The following TAFA1 variants were observed in gnomAD, a reference collection of about 807,000 sequenced individuals.
The protein encoded by TAFA1 is chemokine-like protein TAFA-1.
TAFA1 carries 4 observed loss-of-function variants against 18.5 expected under a neutral mutation model. That is an observed-to-expected ratio of 0.22 (90% CI 0.11 to 0.49). The LOEUF is 0.49. Ranked by LOEUF, TAFA1 falls within the 20% of genes least tolerant of loss-of-function variation. The probability of loss-of-function intolerance (pLI) is 0.98; values close to 1 mark genes in which losing one functional copy is unlikely to be tolerated. For missense variants in TAFA1, 147 were observed against 169.0 expected, an observed-to-expected ratio of 0.87 and a Z score of 0.72; for synonymous variants, 56 against 55.2, an observed-to-expected ratio of 1.01 and a Z score of -0.06.
At chr3:68,015,880 A>G (rs1704560199) in intron 2 of TAFA1, among the ~76,000 whole-genome samples, 1 of 152,200 alleles carries the variant, frequency 6.6e-6, no homozygotes, top group Non-Finnish European at 1.5e-5. Flanking sequence ...CATGTTAACT[A>G]GTGTTTACTG....
chr3:68,447,911 T>A (rs1273010179), intron 3 of TAFA1, among the ~76,000 whole-genome samples: 1 of 152,180 alleles, frequency 6.6e-6, no homozygotes, highest in Non-Finnish European at 1.5e-5. Flanking sequence ...AAACACTTTA[T>A]TAAGTTGGTT....
At chr3:68,490,186 A>G (rs1403817616) in intron 3 of TAFA1, among the ~76,000 whole-genome samples, 1 of 152,176 alleles carries the variant, frequency 6.6e-6, no homozygotes, top group Non-Finnish European at 1.5e-5. Flanking sequence ...CTTTTATTAG[A>G]CAGTGAAATA....
intron 2 of TAFA1, among the ~76,000 whole-genome samples, chr3:68,355,193 T>C (rs1027498627): frequency 1.3e-5 from 2 of 151,960 alleles, no homozygotes; most frequent in African/African-American, 4.8e-5. Flanking sequence ...CAACCCTCTC[T>C]TACTGAGGGT....
chr3:68,156,056 C>G (rs189296541), intron 2 of TAFA1, among the ~76,000 whole-genome samples: 5 of 152,126 alleles, frequency 3.3e-5, no homozygotes, highest in Admixed American at 6.5e-5. Flanking sequence ...TGTATTTGGC[C>G]CAAGGGTACC....
intron 3 of TAFA1, among the ~76,000 whole-genome samples, chr3:68,442,482 T>C (rs1464765349): frequency 6.6e-6 from 1 of 152,146 alleles, no homozygotes; most frequent in Non-Finnish European, 1.5e-5. Flanking sequence ...GCCCCACCTC[T>C]CAATACTGTT....
At chr3:68,365,200 G>A (rs891886847) in intron 2 of TAFA1, among the ~76,000 whole-genome samples, 2 of 152,072 alleles carry the variant, frequency 1.3e-5, no homozygotes, top group Admixed American at 6.5e-5. Context: ...TTTGCAGATG[G>A]GAAAACTGAG....
intron 2 of TAFA1, among the ~76,000 whole-genome samples, chr3:68,239,244 TGGAA>T (rs1440384957): frequency 6.6e-6 from 1 of 152,166 alleles, no homozygotes; most frequent in East Asian, 1.9e-4. Flanking sequence ...ATATGTATTA[TGGAA>T]GAAAGTAAGA....
chr3:68,036,891 G>A (rs1463234207), intron 2 of TAFA1, among the ~76,000 whole-genome samples: 1 of 152,088 alleles, frequency 6.6e-6, no homozygotes, highest in South Asian at 2.1e-4. Context: ...ATATTCATTT[G>A]TTTTTTCATT....
chr3:68,144,150 G>C (rs2065707168), intron 2 of TAFA1, among the ~76,000 whole-genome samples: 1 of 152,112 alleles, frequency 6.6e-6, no homozygotes, highest in Non-Finnish European at 1.5e-5. Context: ...TGTTAGTATC[G>C]AGCATCTGCT....
intron 2 of TAFA1, among the ~76,000 whole-genome samples, chr3:68,380,572 G>C (rs2069925612): frequency 6.6e-6 from 1 of 152,120 alleles, no homozygotes; most frequent in African/African-American, 2.4e-5. Flanking sequence ...ATCTTCTTTT[G>C]AGAAGTGTCT....
intron 3 of TAFA1, among the ~76,000 whole-genome samples, chr3:68,477,090 T>C (rs1483710402): frequency 1.3e-5 from 2 of 152,088 alleles, no homozygotes; most frequent in African/African-American, 2.4e-5. Flanking sequence ...CCCCCAAGGG[T>C]ATCTATCCTG....
intron 2 of TAFA1, among the ~76,000 whole-genome samples, chr3:68,363,354 TCTGTGCTAGGAC>T (rs2069505695): frequency 6.6e-6 from 1 of 152,206 alleles, no homozygotes. Context: ...CTTTCTGTCC[TCTGTGCTAGGAC>T]CTGTGCTAAA....
At chr3:68,414,857 G>C (rs1263356438) in intron 2 of TAFA1, among the ~76,000 whole-genome samples, 1 of 152,160 alleles carries the variant, frequency 6.6e-6, no homozygotes, top group African/African-American at 2.4e-5. Flanking sequence ...GCTTTCATGT[G>C]CCTTGTGCCA....
chr3:68,269,557 GC>G, intron 2 of TAFA1, among the ~76,000 whole-genome samples: 1 of 152,178 alleles, frequency 6.6e-6, no homozygotes, highest in Non-Finnish European at 1.5e-5. Context: ...TAATGCTGAT[GC>G]TACTGACACC....
At chr3:68,049,948 TG>T (rs1656568513) in intron 2 of TAFA1, among the ~76,000 whole-genome samples, 1 of 152,144 alleles carries the variant, frequency 6.6e-6, no homozygotes, top group African/African-American at 2.4e-5. Flanking sequence ...CATAAATGGC[TG>T]TTCTGTGGGA....
intron 3 of TAFA1, among the ~76,000 whole-genome samples, chr3:68,510,677 A>T (rs2072831479): frequency 6.6e-6 from 1 of 152,188 alleles, no homozygotes; most frequent in African/African-American, 2.4e-5. Flanking sequence ...GACTCAAAAA[A>T]GTTGAGTGAG....
At chr3:68,112,490 A>G (rs2065273523) in intron 2 of TAFA1, among the ~76,000 whole-genome samples, 1 of 152,176 alleles carries the variant, frequency 6.6e-6, no homozygotes, top group Admixed American at 6.5e-5. Context: ...AATCTAATAC[A>G]TTATATTGGC....
intron 2 of TAFA1, among the ~76,000 whole-genome samples, chr3:68,053,268 C>G (rs556745906): frequency 6.6e-6 from 1 of 152,136 alleles, no homozygotes; most frequent in Non-Finnish European, 1.5e-5. Flanking sequence ...GGGGTGGGGA[C>G]TTCTTTAGAT....
intron 2 of TAFA1, among the ~76,000 whole-genome samples, chr3:68,365,634 C>A (rs778433455): frequency 2.6e-5 from 4 of 152,060 alleles, no homozygotes. Flanking sequence ...TAAAGACATA[C>A]CTGAGACTGG....
Sources: gnomAD v4.1 joint callset for allele counts (sites outside exome capture counted in the v4.1 genomes callset) on GRCh38, gnomAD v4.1.1 for gene constraint, MANE v1.5 for transcripts, NCBI Gene and HGNC (gene_info 2026-07-23, HGNC 2026-07-21) for gene names.